Variants in CPS1 observed in about 807,000 individuals in gnomAD.
The protein encoded by CPS1 is carbamoyl-phosphate synthase 1, also known as carbamoyl-phosphate synthase [ammonia], mitochondrial.
CPS1 carries 109 observed loss-of-function variants against 174.6 expected under a neutral mutation model. The observed-to-expected ratio is 0.62, with a 90% confidence interval of 0.53 to 0.73. The LOEUF (loss-of-function observed/expected upper bound fraction) is 0.73. Ranked by LOEUF, CPS1 falls within the 30% of genes least tolerant of loss-of-function variation. The probability of loss-of-function intolerance (pLI) is 0.00; values close to 1 mark genes in which losing one functional copy is unlikely to be tolerated. For synonymous variants in CPS1, 637 were observed against 632.0 expected (o/e 1.01, Z -0.12); for missense variants, 1,689 against 1,821.9 (o/e 0.93, Z 1.33).
chr2:210,650,314 C>G, intron 27 of CPS1, 49 bp from the exon 28 acceptor site: 1 of 1,447,064 alleles, frequency 6.9e-7, no homozygotes, highest in Non-Finnish European at 9.7e-7. Flanking sequence ...CCAGTCAAGT[C>G]TAGTATTAGC....
In CPS1 at chr2:210,591,852, G is replaced by A. The variant is rs2106110974; in HGVS notation, c.969G>A (p.Leu323=). 2 of 1,612,200 alleles carry A rather than the reference G, an allele frequency of 1.2e-6. No homozygotes were observed. The highest frequency in any genetic ancestry group is 4.5e-5 in the East Asian group (2 of 44,810). ...CCAGAGGGCAGAATCAGCCTGTTTT[G>A]AATATCACAAACAAACAGGCTTTCA... ...MANRGQNQPV[L]NITNKQAFIT... The change falls in exon 10 of 38, where the codon TTG becomes TTA. Residue 323 remains leucine, a synonymous_variant. Coordinates refer to ENST00000233072, the MANE Select transcript of CPS1 (RefSeq NM_001875.5).
chr2:210,628,705 C>T (rs1348981346), intron 21 of CPS1, among the ~76,000 whole-genome samples: 2 of 151,726 alleles, frequency 1.3e-5, no homozygotes, highest in East Asian at 3.9e-4. Flanking sequence ...GAGACTGAGG[C>T]AGGAGAATCG....
intron 1 of CPS1, among the ~76,000 whole-genome samples, chr2:210,503,015 C>T (rs866904035): frequency 1.3e-5 from 2 of 152,080 alleles, no homozygotes; most frequent in South Asian, 4.1e-4. Flanking sequence ...TTTAAAAGTT[C>T]TGTATATGGT....
chr2:210,658,544 T>C, intron 30 of CPS1, 55 bp from the exon 31 acceptor site: 1 of 1,503,798 alleles, frequency 6.6e-7, no homozygotes, highest in South Asian at 1.1e-5. Flanking sequence ...TAGAAAGTTT[T>C]CAAAAACTAA....
intron 1 of CPS1, among the ~76,000 whole-genome samples, chr2:210,535,452 A>C (rs1696222190): frequency 6.6e-6 from 1 of 152,084 alleles, no homozygotes; most frequent in Non-Finnish European, 1.5e-5. Flanking sequence ...CCCTTCTTTA[A>C]GTTTTATACT....
chr2:210,590,456 A>G (rs997632763), intron 8 of CPS1, among the ~76,000 whole-genome samples: 1 of 152,066 alleles, frequency 6.6e-6, no homozygotes, highest in African/African-American at 2.4e-5. Flanking sequence ...CTTGGGGATC[A>G]TGTCCTTGAG....
chr2:210,512,954 AGATATATATATG>A lies in CPS1; in HGVS notation c.3+35191_3+35202del, dbSNP rs1695555941. On this transcript the variant is annotated intron_variant, in intron 1 of 38. Transcript: ENST00000430249. The stretch of plus-strand genomic sequence containing the variant: ...TATATATGGAGAGATATATATATGG[AGATATATATATG>A]GAGATATATATATATGGAGAGATAT... Among the ~76,000 whole-genome samples, 5 of 37,334 alleles carry A rather than the reference AGATATATATATG, an allele frequency of 1.3e-4. 2 individuals are homozygous for A. Among genetic ancestry groups the A allele is most frequent in the South Asian group, 1.5e-3 (1 of 672 alleles). The allele number at this position is 37,334 out of a possible 152,430, so 24.5% of individuals were successfully genotyped here. A position where few individuals can be genotyped will look rare whatever the true frequency, so the allele number is the denominator to read the frequency against.
At chr2:210,630,210 A>G (rs1241752637) in intron 21 of CPS1, among the ~76,000 whole-genome samples, 3 of 152,212 alleles carry the variant, frequency 2.0e-5, no homozygotes, top group Non-Finnish European at 2.9e-5. Context: ...ATAGAGCATA[A>G]TTATGACATT....
At chr2:210,660,307 G>A (rs544958956) in intron 31 of CPS1, among the ~76,000 whole-genome samples, 178 bp from the exon 32 acceptor site, 1 of 152,288 alleles carries the variant, frequency 6.6e-6, no homozygotes, top group Admixed American at 6.5e-5. Context: ...AGAGTTCAAA[G>A]ATACTGACTG....
intron 21 of CPS1, among the ~76,000 whole-genome samples, chr2:210,634,131 A>G (rs1699955305): frequency 6.6e-6 from 1 of 152,186 alleles, no homozygotes; most frequent in Admixed American, 6.5e-5. Flanking sequence ...AATAACAACA[A>G]TAACAAAAAA....
intron 1 of CPS1, among the ~76,000 whole-genome samples, chr2:210,506,336 A>C (rs1324605528): frequency 6.6e-6 from 1 of 152,146 alleles, no homozygotes; most frequent in African/African-American, 2.4e-5. Flanking sequence ...GACTGTTAGA[A>C]GGAAAACTAA....
chr2:210,556,735 TGAC>T lies in CPS1; in HGVS notation c.5_7del (p.Thr2?), dbSNP rs1696924378. On this transcript the variant is annotated start_lost and inframe_deletion, in exon 1 of 38. Coordinates refer to ENST00000233072, the MANE Select transcript of CPS1 (RefSeq NM_001875.5). ...TAATTTTAGCCACAAATCATCAAAA[TGAC>T]GAGGATTTTGACAGCTTTCAAAGTG... 1 of 1,600,898 alleles carries T rather than the reference TGAC, an allele frequency of 6.2e-7. No individual in the cohort carries two copies. Among genetic ancestry groups the T allele is most frequent in the African/African-American group, 1.4e-5 (1 of 73,078 alleles).
At chr2:210,491,966 C>T (rs988423345) in intron 1 of CPS1, among the ~76,000 whole-genome samples, 1 of 151,950 alleles carries the variant, frequency 6.6e-6, no homozygotes, top group Non-Finnish European at 1.5e-5. Context: ...TGCTTATGAG[C>T]CACTGACAGC....
At chr2:210,650,274 A>G in intron 27 of CPS1, 89 bp from the exon 28 acceptor site, 1 of 1,065,560 alleles carries the variant, frequency 9.4e-7, no homozygotes, top group Non-Finnish European at 1.5e-6. Flanking sequence ...CCCGACTGGA[A>G]CTATAGGTTG....
At chr2:210,528,899 AAGGATGAATAAAAAACGTTAACTTTT>A (rs1326191445) in intron 1 of CPS1, among the ~76,000 whole-genome samples, 1 of 151,484 alleles carries the variant, frequency 6.6e-6, no homozygotes, top group Non-Finnish European at 1.5e-5. Context: ...CAAGAAACAA[AAGGATGAATAAAAAACGTTAACTTTT>A]ACAGCATGAG....
chr2:210,502,367 CTA>C (rs1002525934), intron 1 of CPS1, among the ~76,000 whole-genome samples: 46 of 111,916 alleles, frequency 4.1e-4, no homozygotes, highest in African/African-American at 6.9e-4. Context: ...CTCTCTCTCT[CTA>C]TATATATATA....
At chr2:210,627,003 G>A (rs560289723) in intron 21 of CPS1, among the ~76,000 whole-genome samples, 1 of 152,166 alleles carries the variant, frequency 6.6e-6, no homozygotes, top group Non-Finnish European at 1.5e-5. Flanking sequence ...TCTAGCCCAG[G>A]GCTCCCACTT....
At chr2:210,602,494 T>C (rs940950435) in intron 16 of CPS1, among the ~76,000 whole-genome samples, 164 bp downstream of exon 16, 8 of 151,992 alleles carry the variant, frequency 5.3e-5, no homozygotes, top group African/African-American at 1.9e-4. Context: ...TGCGAGAGCA[T>C]GCAGTGCAAC....
Position 210,656,503 on chromosome 2 carries a change from CTTTTTT to C in CPS1, c.3559-12_3559-7del, listed in dbSNP as rs58225253. The C allele has an allele frequency of 9.6e-6, 12 of 1,253,888 alleles. No individual in the cohort carries two copies. Among genetic ancestry groups the C allele is most frequent in the South Asian group, 2.5e-5 (2 of 79,352 alleles). The allele number at this position is 1,253,888 out of a possible 1,614,324, so 77.7% of individuals were successfully genotyped here. A position where few individuals can be genotyped will look rare whatever the true frequency, so the allele number is the denominator to read the frequency against. ...GTACCTGAAAACTTTTTCTAAAATCCTTTTTTTTTTTTTTTGGCCAGGTTATCTCTC... is the reference window on the plus strand; with the variant it reads ...GTACCTGAAAACTTTTTCTAAAATCCTTTTTTTTTGGCCAGGTTATCTCTC... On this transcript the variant is annotated splice_polypyrimidine_tract_variant and intron_variant, in intron 29 of 37. Coordinates refer to ENST00000233072, the MANE Select transcript of CPS1 (RefSeq NM_001875.5).
Sources: allele counts gnomAD v4.1 joint callset (sites outside exome capture counted in the v4.1 genomes callset), GRCh38; gene constraint gnomAD v4.1.1; transcripts MANE v1.5; gene names NCBI Gene and HGNC (gene_info 2026-07-23, HGNC 2026-07-21).